BTBD10: variants seen among roughly 807,000 people sequenced by gnomAD.
BTBD10 encodes BTB domain containing 10.
BTBD10 carries 21 observed loss-of-function variants against 53.2 expected under a neutral mutation model. The ratio of observed to expected loss-of-function variants is 0.39; its 90% CI spans 0.28 to 0.57. BTBD10 has a LOEUF of 0.57. Ranked by LOEUF, BTBD10 falls within the 20% of genes least tolerant of loss-of-function variation. BTBD10 has a pLI of 0.53. For missense variants in BTBD10, 360 were observed against 594.7 expected, an observed-to-expected ratio of 0.61 and a Z score of 4.10; for synonymous variants, 149 against 192.7, an observed-to-expected ratio of 0.77 and a Z score of 1.88.
rs1222902915 is a variant in BTBD10 at position 13,413,661 on chromosome 11, A to G, written c.688-11T>C. ...TGTTTTATAGTAATCCTGGAAAAAG[A>G]AAAGTAAAGAAAGCATAAAATATCT... On this transcript the variant is annotated splice_polypyrimidine_tract_variant and intron_variant, in intron 5 of 8. Coordinates refer to ENST00000278174, the MANE Select transcript of BTBD10 (RefSeq NM_032320.7). The G allele has an allele frequency of 2.5e-6, 4 of 1,602,998 alleles. No individual in the cohort carries two copies. The highest frequency in any genetic ancestry group is 2.7e-5 in the African/African-American group (2 of 74,490).
At chr11:13,389,613 AG>A (rs576888964) in intron 8 of BTBD10, among the ~76,000 whole-genome samples, 80 of 152,134 alleles carry the variant, frequency 5.3e-4, no homozygotes, top group African/African-American at 1.8e-3. Context: ...TTTTTAGTAG[AG>A]GGGGGGTTTC....
At chr11:13,424,506 A>G (rs1005095779) in intron 2 of BTBD10, among the ~76,000 whole-genome samples, 23 of 152,260 alleles carry the variant, frequency 1.5e-4, no homozygotes, top group Non-Finnish European at 4.4e-5. Context: ...ACTATATTTA[A>G]TTCAATACTT....
chr11:13,436,896 C>T (rs115551908), intron 2 of BTBD10, among the ~76,000 whole-genome samples: 4 of 152,238 alleles, frequency 2.6e-5, no homozygotes, highest in African/African-American at 9.6e-5. Flanking sequence ...ATTCTCGTGC[C>T]TCAGCCTCTC....
At chr11:13,434,975 A>G (rs1472057263) in intron 2 of BTBD10, among the ~76,000 whole-genome samples, 1 of 152,224 alleles carries the variant, frequency 6.6e-6, no homozygotes. Context: ...GTGAAAGTGA[A>G]AGGACTAGGT....
chr11:13,406,807 A>G (rs11022804), intron 6 of BTBD10, among the ~76,000 whole-genome samples: 23,881 of 151,612 alleles, frequency 0.16, 2,073 homozygotes, highest in Admixed American at 0.24. Flanking sequence ...TACAATTAAT[A>G]TAATTGATTA....
In BTBD10 at chr11:13,405,023, A is replaced by G. The variant is rs552380208; in HGVS notation, c.1006+636T>C. On this transcript the variant is annotated intron_variant, in intron 7 of 8. Transcript: ENST00000278174. ...TCTTTTTCAATTCTTCCTTATTTAT[A>G]AAACTGGTCAGAAATACTAATATTG... 3.4e-3 allele frequency among the ~76,000 whole-genome samples: 525 copies of G among 152,240 alleles called. 2 individuals carry two copies. The highest frequency in any genetic ancestry group is 0.012 in the African/African-American group (513 of 41,562).
At chr11:13,434,648 G>A (rs11022825) in intron 2 of BTBD10, among the ~76,000 whole-genome samples, 23,934 of 152,146 alleles carry the variant, frequency 0.16, 2,079 homozygotes, top group Admixed American at 0.24. Flanking sequence ...ATTAAATGAC[G>A]TAATTTACAT....
At chr11:13,429,021 C>T (rs1423462302) in intron 2 of BTBD10, among the ~76,000 whole-genome samples, 1 of 151,636 alleles carries the variant, frequency 6.6e-6, no homozygotes, top group South Asian at 2.1e-4. Flanking sequence ...ACAAATAACA[C>T]CAAAACCTGA....
At chr11:13,432,809 G>C (rs1379283714) in intron 2 of BTBD10, among the ~76,000 whole-genome samples, 1 of 151,870 alleles carries the variant, frequency 6.6e-6, no homozygotes, top group Non-Finnish European at 1.5e-5. Context: ...AAAATGCAAA[G>C]AAATGGAAAA....
At chr11:13,420,516 A>G (rs1209119467) in intron 3 of BTBD10, among the ~76,000 whole-genome samples, 1 of 152,158 alleles carries the variant, frequency 6.6e-6, no homozygotes, top group Non-Finnish European at 1.5e-5. Flanking sequence ...TCTACAAAAG[A>G]AAAATAAAAA....
intron 6 of BTBD10, among the ~76,000 whole-genome samples, chr11:13,410,362 T>C (rs528374425): frequency 1.1e-4 from 16 of 151,922 alleles, no homozygotes; most frequent in Non-Finnish European, 2.1e-4. Context: ...GAAGGGAGAG[T>C]CAAGAAAAAA....
intron 2 of BTBD10, among the ~76,000 whole-genome samples, chr11:13,433,973 T>C (rs923574086): frequency 9.2e-5 from 14 of 152,202 alleles, no homozygotes; most frequent in Non-Finnish European, 1.2e-4. Flanking sequence ...AATAAATGCT[T>C]AATTATGGAA....
chr11:13,445,131 C>T lies in BTBD10; in HGVS notation c.-7G>A. Reference sequence around the variant, plus strand: ...GATGAGGCCGTCCTGCCATCCCACTCCAAGCTTCCTCACACTACTGCTCTG... The same window carrying T: ...GATGAGGCCGTCCTGCCATCCCACTTCAAGCTTCCTCACACTACTGCTCTG... On this transcript the variant is annotated 5_prime_UTR_variant, in exon 2 of 9. Transcript: ENST00000278174. 1 of 1,607,846 alleles carries T rather than the reference C, an allele frequency of 6.2e-7. No individual in the cohort carries two copies. The highest frequency in any genetic ancestry group is 1.7e-4 in the Middle Eastern group (1 of 6,038).
chr11:13,400,538 C>T (rs1388900548), intron 8 of BTBD10, among the ~76,000 whole-genome samples: 4 of 152,190 alleles, frequency 2.6e-5, no homozygotes, highest in African/African-American at 7.2e-5. Context: ...ACGCACGGTG[C>T]GCTGCACCCA....
At chr11:13,417,378 TATC>T (rs1950139663) in intron 4 of BTBD10, 118 bp from the exon 5 acceptor site, 1 of 668,256 alleles carries the variant, frequency 1.5e-6, no homozygotes, top group African/African-American at 1.8e-5. Flanking sequence ...CAAGAATTTT[TATC>T]ATTAATTTAT....
At chr11:13,414,636 A>G (rs1369917080) in intron 5 of BTBD10, among the ~76,000 whole-genome samples, 3 of 150,738 alleles carry the variant, frequency 2.0e-5, no homozygotes, top group East Asian at 2.0e-4. Context: ...CCTGGGCGAC[A>G]GAGCAAGACT....
At chr11:13,398,239 A>G (rs1313660843) in intron 8 of BTBD10, among the ~76,000 whole-genome samples, 1 of 152,148 alleles carries the variant, frequency 6.6e-6, no homozygotes, top group Non-Finnish European at 1.5e-5. Flanking sequence ...TATTGGGTGC[A>G]TATATATTTA....
At chr11:13,435,357 C>T (rs1950527839) in intron 2 of BTBD10, among the ~76,000 whole-genome samples, 1 of 152,064 alleles carries the variant, frequency 6.6e-6, no homozygotes, top group East Asian at 1.9e-4. Flanking sequence ...ATAATGCATA[C>T]ACAACCAATA....
At chr11:13,420,329 T>C (rs1950219822) in intron 3 of BTBD10, among the ~76,000 whole-genome samples, 1 of 151,576 alleles carries the variant, frequency 6.6e-6, no homozygotes. Flanking sequence ...TTTTTTTTAA[T>C]GATTTTTATG....
Sources: gnomAD v4.1 joint callset for allele counts (sites outside exome capture counted in the v4.1 genomes callset) on GRCh38, gnomAD v4.1.1 for gene constraint, MANE v1.5 for transcripts, NCBI Gene and HGNC (gene_info 2026-07-23, HGNC 2026-07-21) for gene names.